Variants in CACNA2D3 observed in about 807,000 individuals in gnomAD.
CACNA2D3 encodes the protein calcium voltage-gated channel auxiliary subunit alpha2delta 3, also known as voltage-dependent calcium channel subunit alpha-2/delta-3.
A neutral mutation model predicts 160.6 loss-of-function variants in CACNA2D3; 60 were observed. That is an observed-to-expected ratio of 0.37 (90% CI 0.30 to 0.46). The LOEUF is 0.46. CACNA2D3 is among the 20% of genes least tolerant of loss of function. The pLI is 1.00. For synonymous variants in CACNA2D3, 558 were observed against 492.9 expected (o/e 1.13, Z -1.75); for missense variants, 1,205 against 1,365.0 (o/e 0.88, Z 1.85).
intron 8 of CACNA2D3, 30 bp downstream of exon 8, chr3:54,570,134 A>G (rs562712182): frequency 2.4e-5 from 38 of 1,603,706 alleles, no homozygotes; most frequent in Non-Finnish European, 3.2e-5. Flanking sequence ...CCTTCTTTGC[A>G]CTTGGGTTCA....
chr3:54,553,040 C>T (rs559111099), intron 5 of CACNA2D3, among the ~76,000 whole-genome samples: 4 of 152,152 alleles, frequency 2.6e-5, no homozygotes, highest in Admixed American at 6.5e-5. Flanking sequence ...CAGCTCCATC[C>T]GGAGTGGTTC....
chr3:54,441,425 A>ATG (rs776632990), intron 4 of CACNA2D3, among the ~76,000 whole-genome samples: 19,668 of 152,100 alleles, frequency 0.13, 1,556 homozygotes, highest in Admixed American at 0.24. Context: ...ATTTTCTCCC[A>ATG]TTCCGTAGGT....
chr3:54,749,898 A>G (rs1010515579), intron 11 of CACNA2D3, among the ~76,000 whole-genome samples: 2 of 152,220 alleles, frequency 1.3e-5, no homozygotes, highest in Non-Finnish European at 2.9e-5. Flanking sequence ...ACCCCTCAGT[A>G]CATTACCTGA....
In CACNA2D3 at chr3:54,893,690, G is replaced by A. The variant is rs188476300; in HGVS notation, c.2246+2240G>A. On this transcript the variant is annotated intron_variant, in intron 25 of 37. Transcript: ENST00000474759. ...CTGCAATTATCTCATACTATCATCA[G>A]TCTCCTACACTGAGATTTCATCCCA... is the stretch of plus-strand genomic sequence containing the variant. 2.5e-3 allele frequency among the ~76,000 whole-genome samples: 382 copies of A among 152,128 alleles called. 1 individual carries two copies. The highest frequency in any genetic ancestry group is 0.01 in the Middle Eastern group (3 of 292).
At chr3:54,695,945 G>A (rs1575427596) in intron 11 of CACNA2D3, among the ~76,000 whole-genome samples, 1 of 152,100 alleles carries the variant, frequency 6.6e-6, no homozygotes, top group South Asian at 2.1e-4. Context: ...CTTGGCTTTT[G>A]CGTTGACTAC....
chr3:54,729,107 C>T (rs1315779776), intron 11 of CACNA2D3, among the ~76,000 whole-genome samples: 1 of 152,026 alleles, frequency 6.6e-6, no homozygotes, highest in Non-Finnish European at 1.5e-5. Context: ...ATTGCTGTTT[C>T]CTGTTTGGCT....
intron 4 of CACNA2D3, among the ~76,000 whole-genome samples, chr3:54,486,941 GTAGAGAGAGAAATGCTGCT>G (rs1362704581): frequency 6.6e-6 from 1 of 152,242 alleles, no homozygotes; most frequent in Admixed American, 6.5e-5. Context: ...TGACAACATG[GTAGAGAGAGAAATGCTGCT>G]TAGATGAGTG....
At chr3:54,137,022 C>G (rs1037364935) in intron 2 of CACNA2D3, among the ~76,000 whole-genome samples, 5 of 152,212 alleles carry the variant, frequency 3.3e-5, no homozygotes, top group Non-Finnish European at 7.3e-5. Context: ...GCCCTGTGCA[C>G]CTCTTCTCTC....
At chr3:54,658,749 C>G (rs1432890335) in intron 11 of CACNA2D3, among the ~76,000 whole-genome samples, 3 of 152,060 alleles carry the variant, frequency 2.0e-5, no homozygotes, top group Admixed American at 1.3e-4. Context: ...ACTTTGAAAA[C>G]TGGAGGCTTC....
chr3:54,654,654 G>C (rs1476520340), intron 11 of CACNA2D3, among the ~76,000 whole-genome samples: 1 of 152,140 alleles, frequency 6.6e-6, no homozygotes, highest in Non-Finnish European at 1.5e-5. Context: ...CATGCCGGCG[G>C]GCAAGTGCTA....
At chr3:54,825,164 A>G (rs1163164314) in intron 14 of CACNA2D3, among the ~76,000 whole-genome samples, 2 of 152,220 alleles carry the variant, frequency 1.3e-5, no homozygotes, top group African/African-American at 4.8e-5. Context: ...TTTTCTTTTG[A>G]ATGTTAAGGA....
chr3:54,703,486 T>C (rs1282603880), intron 11 of CACNA2D3, among the ~76,000 whole-genome samples: 1 of 152,154 alleles, frequency 6.6e-6, no homozygotes. Flanking sequence ...TGGCCACCTT[T>C]TGTTATTCAC....
At chr3:54,801,598 T>C (rs1297624704) in intron 13 of CACNA2D3, among the ~76,000 whole-genome samples, 2 of 152,190 alleles carry the variant, frequency 1.3e-5, no homozygotes, top group African/African-American at 4.8e-5. Flanking sequence ...TGATTTAACA[T>C]GAAGTTAATT....
chr3:54,340,792 G>A (rs1704500955), intron 3 of CACNA2D3, among the ~76,000 whole-genome samples: 1 of 152,076 alleles, frequency 6.6e-6, no homozygotes, highest in African/African-American at 2.4e-5. Context: ...ATGGAGATCT[G>A]TCCCTTCTTG....
At chr3:54,931,079 G>A (rs1281468693) in intron 27 of CACNA2D3, among the ~76,000 whole-genome samples, 1 of 152,218 alleles carries the variant, frequency 6.6e-6, no homozygotes, top group East Asian at 1.9e-4. Flanking sequence ...CTGGGTGACA[G>A]AGTGAGACTC....
Position 54,562,819 on chromosome 3 carries a change from G to A in CACNA2D3, c.564G>A (p.Gly188=), listed in dbSNP as rs1702349038. ...TTACAGACCCTGCAATTGTCAATGG[G>A]GTTTATTGGTCTGAATCTCTAAACA... ...MYNKDPAIVN[G]VYWSESLNKV... Residue 188 remains glycine, a synonymous_variant, in exon 6 of 38, where the codon GGG becomes GGA. Transcript: ENST00000474759. 2 of 1,612,298 alleles carry A rather than the reference G, an allele frequency of 1.2e-6. No individual in the cohort carries two copies. The highest frequency in any genetic ancestry group is 1.7e-5 in the Admixed American group (1 of 59,990).
chr3:54,252,072 G>GAGCTA, intron 2 of CACNA2D3, among the ~76,000 whole-genome samples: 1 of 139,438 alleles, frequency 7.2e-6, no homozygotes, highest in African/African-American at 2.8e-5. Context: ...GGATCCCAGT[G>GAGCTA]GTTCCAATTT....
At chr3:54,475,722 A>G (rs921615379) in intron 4 of CACNA2D3, among the ~76,000 whole-genome samples, 1 of 152,148 alleles carries the variant, frequency 6.6e-6, no homozygotes, top group Non-Finnish European at 1.5e-5. Context: ...ACAAATAAAC[A>G]TTGTATATAT....
intron 11 of CACNA2D3, among the ~76,000 whole-genome samples, chr3:54,693,282 A>G (rs1016228466): frequency 6.6e-6 from 1 of 152,218 alleles, no homozygotes; most frequent in Admixed American, 6.5e-5. Context: ...CCAATCAACA[A>G]TGAACCGCAT....
Sources: allele counts gnomAD v4.1 joint callset (sites outside exome capture counted in the v4.1 genomes callset), GRCh38; gene constraint gnomAD v4.1.1; transcripts MANE v1.5; gene names NCBI Gene and HGNC (gene_info 2026-07-23, HGNC 2026-07-21).